Variants in IFFO2 observed in about 807,000 individuals in gnomAD.
The protein encoded by IFFO2 is intermediate filament family orphan 2.
In IFFO2, 19 loss-of-function variants were observed where a neutral mutation model predicts 53.5. The ratio of observed to expected loss-of-function variants is 0.36; its 90% CI spans 0.25 to 0.52. The LOEUF (loss-of-function observed/expected upper bound fraction) is 0.52. IFFO2 is among the 20% of genes least tolerant of loss of function. The pLI, the probability that IFFO2 is intolerant of heterozygous loss-of-function variation, is 0.94. For synonymous variants in IFFO2, 303 were observed against 313.6 expected (o/e 0.97, Z 0.36); for missense variants, 570 against 727.4 (o/e 0.78, Z 2.49).
At chr1:18,934,053 A>ATTTTTTTTTTTT (rs1936413729) in intron 1 of IFFO2, among the ~76,000 whole-genome samples, 1 of 47,770 alleles carries the variant, frequency 2.1e-5, no homozygotes, top group Non-Finnish European at 3.8e-5. Flanking sequence ...TATTTCTCTT[A>ATTTTTTTTTTTT]TTTCTTTTTT....
intron 1 of IFFO2, among the ~76,000 whole-genome samples, chr1:18,951,121 G>A (rs79862136): frequency 0.017 from 2,581 of 152,232 alleles, 49 homozygotes; most frequent in East Asian, 0.094. Context: ...CTGAATCAGC[G>A]GTTTCTTTCT....
At position 18,918,603 on chromosome 1, in the gene IFFO2, G is replaced by A. The variant is rs1936169749; in HGVS notation, c.823-101C>T. ...ACCCCTAGGTGTCAGCAGGGGTGGT[G>A]CGGGGAGGCCTCCAGAGTCCGAGGG... On this transcript the variant is annotated intron_variant, in intron 3 of 8. Transcript: ENST00000455833. The surrounding 1 kb of genome is among the most constrained non-coding windows in gnomAD (Gnocchi z 5.2). 2 of 1,278,098 alleles carry A rather than the reference G, an allele frequency of 1.6e-6. No individual in the cohort carries two copies. The highest frequency in any genetic ancestry group is 2.2e-5 in the Admixed American group (1 of 45,302). 79.2% of individuals were successfully genotyped at this position (1,278,098 alleles called of 1,614,324 possible).
rs1487172404 is a variant in IFFO2 at position 18,908,669 on chromosome 1, G to A, written c.1449-3C>T. 1 of 1,549,334 alleles carries A rather than the reference G, an allele frequency of 6.5e-7. No homozygotes were observed. Among genetic ancestry groups the A allele is most frequent in the Non-Finnish European group, 8.7e-7 (1 of 1,144,904 alleles). ...CGGAGCTGGGGGACGGTGAATTCCT[G>A]AGAAGCACAAGAGAGTGGGGAAATT... On this transcript the variant is annotated splice_region_variant and splice_polypyrimidine_tract_variant and intron_variant, in intron 8 of 8. Coordinates refer to ENST00000455833, the MANE Select transcript of IFFO2 (RefSeq NM_001136265.2).
At chr1:18,912,154 A>G in intron 5 of IFFO2, 71 bp from the exon 6 acceptor site, 1 of 1,535,884 alleles carries the variant, frequency 6.5e-7, no homozygotes, top group Admixed American at 2.0e-5. Flanking sequence ...GGGGACAGAA[A>G]GGGGCAGCTG....
intron 1 of IFFO2, among the ~76,000 whole-genome samples, chr1:18,931,612 A>C (rs1936375987): frequency 6.6e-6 from 1 of 152,216 alleles, no homozygotes; most frequent in Admixed American, 6.5e-5. Flanking sequence ...CGAGAAGGGA[A>C]GAATTTGCAT....
chr1:18,934,746 C>T (rs886909450), intron 1 of IFFO2, among the ~76,000 whole-genome samples: 3 of 152,080 alleles, frequency 2.0e-5, no homozygotes, highest in Non-Finnish European at 2.9e-5. Context: ...TTAACGACAA[C>T]GGGATGCGAC....
intron 8 of IFFO2, among the ~76,000 whole-genome samples, chr1:18,909,063 A>G (rs1303691052): frequency 1.3e-5 from 2 of 151,802 alleles, no homozygotes; most frequent in African/African-American, 4.8e-5. Context: ...TCTATCTCGG[A>G]TGAGCTGGGG....
At position 18,949,593 on chromosome 1, in the gene IFFO2, C is replaced by T. The variant is rs545661363; in HGVS notation, c.665+6075G>A. Among the ~76,000 whole-genome samples the T allele has an allele frequency of 6.4e-4, 98 of 152,368 alleles. 1 individual carries two copies. The highest frequency in any genetic ancestry group is 6.8e-3 in the Middle Eastern group (2 of 294). On this transcript the variant is annotated intron_variant, in intron 1 of 8. Transcript: ENST00000455833. ...CTGCAAATGCAAAGCCCACAGCCTC[C>T]GGTGTCACTGACACATGGCACAGTT... is the stretch of plus-strand genomic sequence containing the variant.
At position 18,919,557 on chromosome 1, in the gene IFFO2, A is replaced by G. The variant is rs1936187148; in HGVS notation, c.822+121T>C. The G allele has an allele frequency of 1.4e-6, 1 of 709,024 alleles. No homozygotes were observed. Among genetic ancestry groups the G allele is most frequent in the East Asian group, 2.7e-5 (1 of 36,920 alleles). The allele number at this position is 709,024 out of a possible 1,614,324, so 43.9% of individuals were successfully genotyped here. A position where few individuals can be genotyped will look rare whatever the true frequency, so the allele number is the denominator to read the frequency against. ...CAATGCATCCGTCATCCTCATGGTC[A>G]AACACAGCCAGCCAGGATTCTAACT... On this transcript the variant is annotated intron_variant, in intron 3 of 8. Coordinates refer to ENST00000455833, the MANE Select transcript of IFFO2 (RefSeq NM_001136265.2). This position sits in a 1 kb window ranked among gnomAD's most constrained non-coding sequence, Gnocchi z 4.9.
chr1:18,953,249 T>C (rs1936681037), intron 1 of IFFO2, among the ~76,000 whole-genome samples: 1 of 152,154 alleles, frequency 6.6e-6, no homozygotes, highest in Admixed American at 6.5e-5. Context: ...AAACTCAGAT[T>C]TATATATTGC....
Position 18,917,121 on chromosome 1 carries a change from C to T in IFFO2, c.964-79G>A, listed in dbSNP as rs966156463. ...GGTAGGGGTGAACTGGGAAGGGAGCCGGCATCTCACAGGATGATGAGCGTG... is the reference window on the plus strand; with the variant it reads ...GGTAGGGGTGAACTGGGAAGGGAGCTGGCATCTCACAGGATGATGAGCGTG... On this transcript the variant is annotated intron_variant, in intron 4 of 8. Coordinates refer to ENST00000455833, the MANE Select transcript of IFFO2 (RefSeq NM_001136265.2). This position sits in a 1 kb window ranked among gnomAD's most constrained non-coding sequence, Gnocchi z 5.9. 2.6e-5 allele frequency: 38 copies of T among 1,464,722 alleles called. No individual in the cohort carries two copies. The highest frequency in any genetic ancestry group is 2.9e-5 in the Non-Finnish European group (31 of 1,083,274). 90.7% of individuals were successfully genotyped at this position (1,464,722 alleles called of 1,614,324 possible). A position where few individuals can be genotyped will look rare whatever the true frequency, so the allele number is the denominator to read the frequency against.
rs532720339 is a variant in IFFO2, at chr1:18,906,926, T to G, written c.*1635A>C. On this transcript the variant is annotated 3_prime_UTR_variant, in exon 9 of 9. Coordinates refer to ENST00000455833, the MANE Select transcript of IFFO2 (RefSeq NM_001136265.2). ...CACGCTCTCTCTCTCTCTCTACATA[T>G]ATCTTTTATGTACAGTATTTTTAAG... is the stretch of plus-strand genomic sequence containing the variant. The G allele has an allele frequency of 2.0e-5, 3 of 152,298 alleles. No homozygotes were observed. The South Asian group carries it at 6.2e-4, about 32-fold the overall frequency. 9.4% of individuals were successfully genotyped at this position (152,298 alleles called of 1,614,324 possible). A position where few individuals can be genotyped will look rare whatever the true frequency, so the allele number is the denominator to read the frequency against.
intron 1 of IFFO2, among the ~76,000 whole-genome samples, chr1:18,950,725 A>G (rs752276808): frequency 1.1e-4 from 16 of 152,310 alleles, no homozygotes; most frequent in African/African-American, 3.6e-4. Context: ...CGGGACATTC[A>G]GGGGCCAGCA....
intron 1 of IFFO2, among the ~76,000 whole-genome samples, chr1:18,949,068 G>A: frequency 6.6e-6 from 1 of 152,200 alleles, no homozygotes; most frequent in Non-Finnish European, 1.5e-5. Context: ...TTCAAACTTT[G>A]AACTTTGGCC....
intron 6 of IFFO2, 149 bp downstream of exon 6, chr1:18,911,814 C>G: frequency 9.9e-7 from 1 of 1,011,940 alleles, no homozygotes; most frequent in East Asian, 2.8e-5. Flanking sequence ...GCTGGGATTA[C>G]AGGCATGAGC....
intron 8 of IFFO2, 48 bp downstream of exon 8, chr1:18,910,294 C>T (rs753017686): frequency 6.4e-6 from 10 of 1,558,932 alleles, no homozygotes; most frequent in Non-Finnish European, 8.7e-6. Flanking sequence ...TTGGGAATTC[C>T]CCTCCAAGGA....
At chr1:18,913,873 C>T (rs1302328164) in intron 5 of IFFO2, among the ~76,000 whole-genome samples, 1 of 152,204 alleles carries the variant, frequency 6.6e-6, no homozygotes, top group African/African-American at 2.4e-5. Context: ...CGCTGTCGCC[C>T]AGGCTGGAGT....
chr1:18,936,505 G>A lies in IFFO2; in HGVS notation c.666-15384C>T, dbSNP rs1936448776. ...CAGGTCAAGAGGCAGGAGGCCCAGG[G>A]GGTCTGTGCCCAGGAGAGTGTGGGG... On this transcript the variant is annotated intron_variant, in intron 1 of 8. Coordinates refer to ENST00000455833, the MANE Select transcript of IFFO2 (RefSeq NM_001136265.2). This position sits in a 1 kb window ranked among gnomAD's most constrained non-coding sequence, Gnocchi z 4.5. Among the ~76,000 whole-genome samples, 1 of 152,218 alleles carries A rather than the reference G, an allele frequency of 6.6e-6. No individual in the cohort carries two copies. Among genetic ancestry groups the A allele is most frequent in the African/African-American group, 2.4e-5 (1 of 41,450 alleles).
At position 18,910,917 on chromosome 1, in the gene IFFO2, A is replaced by G. The variant is rs75358459; in HGVS notation, c.1318-445T>C. On this transcript the variant is annotated intron_variant, in intron 7 of 8. Transcript: ENST00000455833. ...GACTATCGTTTATAGAAGTGATCACATGCACAGCCTCTGGAGCCAGAGAGA... is the reference window on the plus strand; with the variant it reads ...GACTATCGTTTATAGAAGTGATCACGTGCACAGCCTCTGGAGCCAGAGAGA... Among the ~76,000 whole-genome samples the G allele has an allele frequency of 9.5e-3, 1,449 of 152,360 alleles. 25 individuals carry two copies. Among genetic ancestry groups the G allele is most frequent in the East Asian group, 0.064 (329 of 5,180 alleles).
Sources: allele counts gnomAD v4.1 joint callset (sites outside exome capture counted in the v4.1 genomes callset), GRCh38; gene constraint gnomAD v4.1.1; non-coding constraint Gnocchi (gnomAD v3.1); transcripts MANE v1.5; gene names NCBI Gene and HGNC (gene_info 2026-07-23, HGNC 2026-07-21).